The following GPBP1 variants were observed in gnomAD, a reference collection of about 807,000 sequenced individuals.
GPBP1 encodes the protein vasculin.
In GPBP1, 13 loss-of-function variants were observed where a neutral mutation model predicts 56.5. The observed-to-expected ratio is 0.23, with a 90% CI of 0.15 to 0.37. The LOEUF (loss-of-function observed/expected upper bound fraction) is 0.37, where lower values mean the gene tolerates loss of function less well. Ranked by LOEUF, GPBP1 falls within the 10% of genes least tolerant of loss-of-function variation. The pLI, the probability that GPBP1 is intolerant of heterozygous loss-of-function variation, is 1.00. For synonymous variants in GPBP1, 204 were observed against 188.9 expected (o/e 1.08, Z -0.66); for missense variants, 477 against 572.3 (o/e 0.83, Z 1.70).
At chr5:57,237,485 G>A (rs961444335) in intron 6 of GPBP1, 1 of 271,492 alleles carries the variant, frequency 3.7e-6, no homozygotes, top group Non-Finnish European at 7.1e-6. Context: ...GTTGGTCTAA[G>A]GATTTTGAGT....
At chr5:57,262,211 G>A (rs1741925950) in intron 11 of GPBP1, among the ~76,000 whole-genome samples, 1 of 152,138 alleles carries the variant, frequency 6.6e-6, no homozygotes, top group Non-Finnish European at 1.5e-5. Context: ...CCGGTTAAAC[G>A]AGACAATTTT....
chr5:57,236,993 CTCTT>C (rs1405591329), intron 6 of GPBP1: 2 of 611,026 alleles, frequency 3.3e-6, no homozygotes. Context: ...TTTGATCTTC[CTCTT>C]TATTTAAGGG....
intron 2 of GPBP1, among the ~76,000 whole-genome samples, chr5:57,204,389 A>G (rs1181739528): frequency 6.6e-6 from 1 of 151,988 alleles, no homozygotes; most frequent in Non-Finnish European, 1.5e-5. Flanking sequence ...AGCTGGGACA[A>G]CAGGCCTGCA....
chr5:57,231,277 A>C lies in GPBP1; in HGVS notation c.367A>C (p.Lys123Gln). 1.2e-6 allele frequency: 2 copies of C among 1,614,018 alleles called. No homozygotes were observed. Among genetic ancestry groups the C allele is most frequent in the Non-Finnish European group, 1.7e-6 (2 of 1,179,932 alleles). ...CATACCTGACAATGAAACCGGGAGGAAAGAAGACAAGAGAGAACGCAAACA... is the reference window on the plus strand; with the variant it reads ...CATACCTGACAATGAAACCGGGAGGCAAGAAGACAAGAGAGAACGCAAACA... ...NNIPDNETGR[K>Q]EDKRERKQFE... Residue 123 changes from lysine to glutamine, a missense_variant, in exon 5 of 12, where the codon AAA (lysine) becomes CAA (glutamine). Physicochemically the swap from Lys to Gln is moderately conservative, Grantham distance 53. Coordinates refer to ENST00000506184, the MANE Select transcript of GPBP1 (RefSeq NM_022913.4).
At chr5:57,195,474 C>A (rs1027987035) in intron 2 of GPBP1, among the ~76,000 whole-genome samples, 2 of 152,042 alleles carry the variant, frequency 1.3e-5, no homozygotes, top group Non-Finnish European at 1.5e-5. Flanking sequence ...TAATTAATTA[C>A]TTTCTAATTC....
At chr5:57,192,859 A>G (rs964754074) in intron 2 of GPBP1, among the ~76,000 whole-genome samples, 1 of 152,086 alleles carries the variant, frequency 6.6e-6, no homozygotes, top group Non-Finnish European at 1.5e-5. Flanking sequence ...TGTTACTTAC[A>G]GTATGTATAT....
At chr5:57,234,698 G>C (rs1028246606) in intron 5 of GPBP1, among the ~76,000 whole-genome samples, 1 of 152,178 alleles carries the variant, frequency 6.6e-6, no homozygotes, top group African/African-American at 2.4e-5. Flanking sequence ...GAGCTTTCAC[G>C]TGTGAGATGG....
In GPBP1 at chr5:57,246,310, G is replaced by T. The variant is rs753057885; in HGVS notation, c.489G>T (p.Pro163=). The T allele has an allele frequency of 1.9e-6, 3 of 1,611,276 alleles. No homozygotes were observed. The Admixed American group carries it at 5.0e-5, about 27-fold the overall frequency. ...SLAAGVWEYP[P]NPKSRAPRML... is the part of the protein sequence containing the mutation. ...GCTTTATTTATGCAGAATATCCTCC[G>T]AATCCTAAATCTAGAGCTCCAAGGA... The change falls in exon 7 of 12, where the codon CCG becomes CCT. Residue 163 remains proline, a synonymous_variant. Coordinates refer to ENST00000506184, the MANE Select transcript of GPBP1 (RefSeq NM_022913.4).
chr5:57,197,061 G>GT (rs1464925329), intron 2 of GPBP1, among the ~76,000 whole-genome samples: 4 of 151,818 alleles, frequency 2.6e-5, no homozygotes, highest in African/African-American at 7.3e-5. Flanking sequence ...GGATATAGGC[G>GT]TGAGCCACCA....
chr5:57,233,776 G>A (rs1756557421), intron 5 of GPBP1, among the ~76,000 whole-genome samples: 1 of 152,166 alleles, frequency 6.6e-6, no homozygotes, highest in Admixed American at 6.5e-5. Context: ...AAGTGGATTT[G>A]CATAGTTCAA....
At chr5:57,181,798 A>G (rs1754061684) in intron 2 of GPBP1, among the ~76,000 whole-genome samples, 1 of 152,200 alleles carries the variant, frequency 6.6e-6, no homozygotes, top group African/African-American at 2.4e-5. Flanking sequence ...GGAAAGGTCC[A>G]TTACCTTCAA....
intron 2 of GPBP1, among the ~76,000 whole-genome samples, chr5:57,192,596 A>G (rs954729066): frequency 3.3e-5 from 5 of 151,990 alleles, no homozygotes; most frequent in African/African-American, 1.2e-4. Flanking sequence ...TCTACTAAAA[A>G]TACAAAATTA....
Position 57,253,708 on chromosome 5 carries a change from T to G in GPBP1, c.1160+2567T>G, listed in dbSNP as rs77849307. Among the ~76,000 whole-genome samples the G allele has an allele frequency of 3.0e-3, 453 of 152,352 alleles. 1 individual carries two copies. The highest frequency in any genetic ancestry group is 5.0e-3 in the Non-Finnish European group (343 of 68,034). On this transcript the variant is annotated intron_variant, in intron 10 of 11. Transcript: ENST00000506184. ...GGAATATTTTAATTTTACTTTTTAT[T>G]TCTAATTTTTTCAAATGTTTTAATA...
chr5:57,262,554 CTT>C (rs1316133623), intron 11 of GPBP1, 38 bp from the exon 12 acceptor site: 2 of 1,469,044 alleles, frequency 1.4e-6, no homozygotes, highest in African/African-American at 1.4e-5. Flanking sequence ...GTTTGTAACT[CTT>C]GAGGGATAAT....
At chr5:57,220,824 C>G (rs887446439) in intron 3 of GPBP1, among the ~76,000 whole-genome samples, 2 of 149,674 alleles carry the variant, frequency 1.3e-5, no homozygotes, top group Non-Finnish European at 3.0e-5. Flanking sequence ...TTTTGACAAA[C>G]ACAATACTTT....
intron 3 of GPBP1, among the ~76,000 whole-genome samples, chr5:57,228,555 A>G (rs1327666926): frequency 6.9e-6 from 1 of 145,420 alleles, no homozygotes; most frequent in Non-Finnish European, 1.5e-5. Context: ...CAGGAGCATC[A>G]CTTGAGGCCA....
chr5:57,176,946 C>A (rs972213547), intron 2 of GPBP1, among the ~76,000 whole-genome samples: 2 of 152,124 alleles, frequency 1.3e-5, no homozygotes, highest in African/African-American at 2.4e-5. Flanking sequence ...TTGTTCCTAA[C>A]ATATTAATCC....
At chr5:57,236,346 AAACT>A (rs1368974503) in intron 6 of GPBP1, among the ~76,000 whole-genome samples, 3 of 152,198 alleles carry the variant, frequency 2.0e-5, no homozygotes, top group African/African-American at 7.2e-5. Context: ...GTAAAGAAAC[AAACT>A]GAGTTTAAAT....
At chr5:57,245,522 C>T (rs1447919328) in intron 6 of GPBP1, 1 of 152,146 alleles carries the variant, frequency 6.6e-6, no homozygotes, top group Non-Finnish European at 1.5e-5. Flanking sequence ...CTAAACTTTC[C>T]AGCTGTGAAA....
Sources: gnomAD v4.1 joint callset for allele counts (sites outside exome capture counted in the v4.1 genomes callset) on GRCh38, gnomAD v4.1.1 for gene constraint, MANE v1.5 for transcripts, NCBI Gene and HGNC (gene_info 2026-07-23, HGNC 2026-07-21) for gene names.